IQCM: variants seen among roughly 807,000 people sequenced by gnomAD.
IQCM encodes IQ domain-containing protein M.
A neutral mutation model predicts 57.6 loss-of-function variants in IQCM; 45 were observed. That is an observed-to-expected ratio of 0.78 (90% confidence interval 0.62 to 1.00). The LOEUF (loss-of-function observed/expected upper bound fraction) is 1.00, where lower values mean the gene tolerates loss of function less well. IQCM is among the 50% of genes least tolerant of loss of function. The pLI is 0.00. For missense variants in IQCM, 468 were observed against 511.6 expected, an observed-to-expected ratio of 0.91 and a Z score of 0.82; for synonymous variants, 148 against 158.9, an observed-to-expected ratio of 0.93 and a Z score of 0.51.
chr4:149,596,737 C>G (rs1333932193), intron 8 of IQCM, among the ~76,000 whole-genome samples: 5 of 152,078 alleles, frequency 3.3e-5, no homozygotes, highest in Non-Finnish European at 7.4e-5. Context: ...AGGTTCAATT[C>G]AGATTACTGT....
chr4:149,673,463 G>A (rs1299554444), intron 7 of IQCM, among the ~76,000 whole-genome samples: 1 of 151,816 alleles, frequency 6.6e-6, no homozygotes, highest in East Asian at 1.9e-4. Flanking sequence ...AAAATGCAGG[G>A]GTTGCAATCC....
intron 12 of IQCM, among the ~76,000 whole-genome samples, chr4:149,480,468 C>A (rs1740657765): frequency 6.6e-6 from 1 of 152,038 alleles, no homozygotes; most frequent in Non-Finnish European, 1.5e-5. Flanking sequence ...TCCATGAGTT[C>A]AACTGTTTTG....
intron 12 of IQCM, among the ~76,000 whole-genome samples, chr4:149,533,498 T>C (rs1237264984): frequency 1.4e-4 from 21 of 152,114 alleles, no homozygotes; most frequent in Non-Finnish European, 1.5e-5. Flanking sequence ...CTATTTGTAT[T>C]GGACTGTTCT....
intron 10 of IQCM, among the ~76,000 whole-genome samples, chr4:149,560,570 A>G (rs1039048127): frequency 9.2e-5 from 14 of 152,208 alleles, no homozygotes; most frequent in Non-Finnish European, 1.5e-5. Flanking sequence ...ACCAAAACAC[A>G]TGCAAACAAA....
At chr4:149,662,838 C>A (rs1760345341) in intron 7 of IQCM, among the ~76,000 whole-genome samples, 2 of 151,940 alleles carry the variant, frequency 1.3e-5, no homozygotes, top group South Asian at 4.1e-4. Context: ...ACAGTTGGGT[C>A]TTGTTTTTAT....
intron 13 of IQCM, among the ~76,000 whole-genome samples, chr4:149,423,561 C>T (rs1004652277): frequency 6.6e-6 from 1 of 152,038 alleles, no homozygotes; most frequent in African/African-American, 2.4e-5. Flanking sequence ...AGCCTCCATG[C>T]TCCTCTCCCT....
chr4:149,555,597 C>T (rs1234630515), intron 10 of IQCM, among the ~76,000 whole-genome samples: 1 of 152,224 alleles, frequency 6.6e-6, no homozygotes, highest in Non-Finnish European at 1.5e-5. Flanking sequence ...GGGAGCTACC[C>T]AGCCTTTACT....
At chr4:149,388,323 C>A (rs1731569433) in intron 13 of IQCM, among the ~76,000 whole-genome samples, 1 of 151,378 alleles carries the variant, frequency 6.6e-6, no homozygotes, top group African/African-American at 2.4e-5. Context: ...CTTCCAATTT[C>A]TCCATATATT....
At chr4:149,617,997 A>G (rs1755950304) in intron 8 of IQCM, among the ~76,000 whole-genome samples, 1 of 152,206 alleles carries the variant, frequency 6.6e-6, no homozygotes. Flanking sequence ...ACAGGATTAG[A>G]ACAAATAATC....
At chr4:149,683,562 G>A (rs145168997) in intron 6 of IQCM, among the ~76,000 whole-genome samples, 1 of 151,274 alleles carries the variant, frequency 6.6e-6, no homozygotes, top group Non-Finnish European at 1.5e-5. Context: ...AGAGAAAATA[G>A]AGAGACGTGA....
At chr4:149,709,060 G>A (rs2149827485) in intron 5 of IQCM, among the ~76,000 whole-genome samples, 1 of 152,128 alleles carries the variant, frequency 6.6e-6, no homozygotes, top group South Asian at 2.1e-4. Context: ...CAGTATATCT[G>A]ATGACAAAAA....
chr4:149,780,593 C>T (rs1369869799), intron 2 of IQCM, among the ~76,000 whole-genome samples: 3 of 151,824 alleles, frequency 2.0e-5, no homozygotes, highest in African/African-American at 4.8e-5. Context: ...TAGAGCTACC[C>T]TGAAACTTAC....
intron 12 of IQCM, among the ~76,000 whole-genome samples, chr4:149,473,802 A>T (rs1243865120): frequency 1.3e-5 from 2 of 152,226 alleles, no homozygotes; most frequent in Non-Finnish European, 2.9e-5. Flanking sequence ...GCCATAAAAA[A>T]TGATGAGTTC....
intron 13 of IQCM, among the ~76,000 whole-genome samples, chr4:149,352,620 C>T (rs915317206): frequency 6.6e-6 from 1 of 152,144 alleles, no homozygotes; most frequent in Admixed American, 6.5e-5. Flanking sequence ...GAGGGAGATT[C>T]TGGAACCAAT....
intron 12 of IQCM, among the ~76,000 whole-genome samples, chr4:149,522,573 A>G (rs991051097): frequency 6.6e-6 from 1 of 152,232 alleles, no homozygotes; most frequent in African/African-American, 2.4e-5. Flanking sequence ...CTGATTTAGT[A>G]GCCTAGAAGA....
At chr4:149,561,385 A>T (rs1483506153) in intron 10 of IQCM, among the ~76,000 whole-genome samples, 2 of 152,188 alleles carry the variant, frequency 1.3e-5, no homozygotes, top group Non-Finnish European at 2.9e-5. Flanking sequence ...AGCATGTATC[A>T]AATGTGTGTA....
At chr4:149,411,856 C>T (rs1733403004) in intron 13 of IQCM, among the ~76,000 whole-genome samples, 1 of 152,116 alleles carries the variant, frequency 6.6e-6, no homozygotes, top group Non-Finnish European at 1.5e-5. Flanking sequence ...TCCTATGACA[C>T]ACAACTGTAG....
chr4:149,451,700 T>C (rs1436692262), intron 12 of IQCM, among the ~76,000 whole-genome samples: 2 of 151,760 alleles, frequency 1.3e-5, no homozygotes, highest in Non-Finnish European at 2.9e-5. Context: ...ATAGCTTTTT[T>C]CTCGTAAATT....
At chr4:149,495,146 A>G (rs1157939965) in intron 12 of IQCM, among the ~76,000 whole-genome samples, 1 of 152,130 alleles carries the variant, frequency 6.6e-6, no homozygotes, top group African/African-American at 2.4e-5. Context: ...AAGAAAAAGA[A>G]TGAAGGCTTA....
Sources: gnomAD v4.1 joint callset for allele counts (sites outside exome capture counted in the v4.1 genomes callset) on GRCh38, gnomAD v4.1.1 for gene constraint, MANE v1.5 for transcripts, NCBI Gene and HGNC (gene_info 2026-07-23, HGNC 2026-07-21) for gene names.